Variants in NALF1 observed in about 807,000 individuals in gnomAD.
NALF1 encodes the protein family with sequence similarity 155 member A.
Under a neutral mutation model 48.4 loss-of-function variants are expected in NALF1, and 3 were observed. The ratio of observed to expected loss-of-function variants is 0.06; its 90% CI spans 0.03 to 0.16. The LOEUF is 0.16. Ranked by LOEUF, NALF1 falls within the 10% of genes least tolerant of loss-of-function variation. The pLI is 1.00. For synonymous variants in NALF1, 262 were observed against 245.7 expected (o/e 1.07, Z -0.62); for missense variants, 526 against 571.5 (o/e 0.92, Z 0.81).
At chr13:107,466,269 G>T (rs568791609) in intron 1 of NALF1, 1 of 152,298 alleles carries the variant, frequency 6.6e-6, no homozygotes, top group South Asian at 2.1e-4. Flanking sequence ...ATTTGGATGG[G>T]ACACTGCCAA....
intron 1 of NALF1, among the ~76,000 whole-genome samples, chr13:107,442,260 A>G (rs16970116): frequency 0.028 from 4,209 of 152,338 alleles, 154 homozygotes; most frequent in East Asian, 0.11. Context: ...TTTAGGTCTC[A>G]GTAAGAACAA....
At chr13:107,377,979 GT>G (rs146335095) in intron 1 of NALF1, among the ~76,000 whole-genome samples, 8,053 of 152,102 alleles carry the variant, frequency 0.053, 538 homozygotes, top group African/African-American at 0.15. Context: ...TTTCCTCCCA[GT>G]TCTCTCCCTT....
chr13:107,661,579 G>A (rs1367049218), intron 1 of NALF1, among the ~76,000 whole-genome samples: 3 of 152,038 alleles, frequency 2.0e-5, no homozygotes, highest in Admixed American at 6.6e-5. Flanking sequence ...AAAAGCACTC[G>A]GCATAATACC....
intron 1 of NALF1, among the ~76,000 whole-genome samples, chr13:107,724,952 C>T (rs6492070): frequency 0.039 from 6,004 of 152,228 alleles, 395 homozygotes; most frequent in African/African-American, 0.14. Context: ...GTTCGTTTCA[C>T]TGATACTTCT....
chr13:107,621,759 T>C (rs1451940242), intron 1 of NALF1, among the ~76,000 whole-genome samples: 1 of 152,204 alleles, frequency 6.6e-6, no homozygotes, highest in East Asian at 1.9e-4. Flanking sequence ...TCTGCTCCAC[T>C]GACACCATGA....
chr13:107,249,433 A>G (rs1437319818), intron 1 of NALF1, among the ~76,000 whole-genome samples: 1 of 152,168 alleles, frequency 6.6e-6, no homozygotes, highest in African/African-American at 2.4e-5. Context: ...ATTGCAAAAG[A>G]AAATGCCAGG....
chr13:107,188,507 A>G (rs556563787), intron 2 of NALF1, among the ~76,000 whole-genome samples: 3 of 152,254 alleles, frequency 2.0e-5, no homozygotes, highest in African/African-American at 7.2e-5. Context: ...TATAATTTTT[A>G]TCATATCTTT....
intron 1 of NALF1, among the ~76,000 whole-genome samples, chr13:107,409,066 G>A (rs1451309905): frequency 6.6e-6 from 1 of 152,098 alleles, no homozygotes; most frequent in East Asian, 1.9e-4. Context: ...GTTTTATGTT[G>A]AAAGGAGTTC....
intron 1 of NALF1, among the ~76,000 whole-genome samples, chr13:107,570,178 C>CT (rs34262011): frequency 1.7e-4 from 26 of 149,290 alleles, no homozygotes; most frequent in East Asian, 3.9e-4. Context: ...AATGTATATG[C>CT]TTTTTTTTTT....
intron 1 of NALF1, among the ~76,000 whole-genome samples, chr13:107,564,887 G>C (rs1429978066): frequency 6.6e-6 from 1 of 151,862 alleles, no homozygotes; most frequent in Non-Finnish European, 1.5e-5. Flanking sequence ...CCCCATACAG[G>C]TGAGGCTGAC....
chr13:107,220,427 T>C (rs1421956214), intron 1 of NALF1, among the ~76,000 whole-genome samples: 1 of 152,216 alleles, frequency 6.6e-6, no homozygotes, highest in Non-Finnish European at 1.5e-5. Context: ...GTGATTCTAT[T>C]AGAATTTACA....
At chr13:107,540,029 A>G (rs78269390) in intron 1 of NALF1, among the ~76,000 whole-genome samples, 1,345 of 130,906 alleles carry the variant, frequency 0.01, 10 homozygotes, top group Non-Finnish European at 0.015. Flanking sequence ...ACGACAATAG[A>G]TACCCATCAG....
At chr13:107,199,393 G>A (rs756120668) in intron 2 of NALF1, among the ~76,000 whole-genome samples, 2 of 152,090 alleles carry the variant, frequency 1.3e-5, no homozygotes, top group African/African-American at 2.4e-5. Flanking sequence ...ATTTTGTCAC[G>A]GCAGCCCTAG....
chr13:107,268,122 G>A (rs1881080953), intron 1 of NALF1, among the ~76,000 whole-genome samples: 1 of 151,494 alleles, frequency 6.6e-6, no homozygotes, highest in Non-Finnish European at 1.5e-5. Context: ...AAGTAACTGG[G>A]AACACAGGCA....
intron 1 of NALF1, among the ~76,000 whole-genome samples, chr13:107,500,538 CA>C (rs922819896): frequency 4.6e-5 from 7 of 150,768 alleles, no homozygotes; most frequent in African/African-American, 1.7e-4. Context: ...TTGTGGAAGT[CA>C]GTGTGGCGAT....
At chr13:107,456,486 G>A (rs1002316863) in intron 1 of NALF1, among the ~76,000 whole-genome samples, 1 of 152,150 alleles carries the variant, frequency 6.6e-6, no homozygotes, top group Non-Finnish European at 1.5e-5. Flanking sequence ...TTTGGCCCAT[G>A]TTAGATTAAT....
At chr13:107,637,391 CA>C (rs1476780057) in intron 1 of NALF1, among the ~76,000 whole-genome samples, 3 of 152,080 alleles carry the variant, frequency 2.0e-5, no homozygotes, top group Non-Finnish European at 4.4e-5. Context: ...AACCAAACCA[CA>C]ACATAAATCT....
intron 2 of NALF1, among the ~76,000 whole-genome samples, chr13:107,204,618 T>G (rs1879595975): frequency 2.6e-5 from 4 of 152,222 alleles, no homozygotes; most frequent in South Asian, 2.1e-4. Flanking sequence ...AGATATTAAC[T>G]GAAATAAACC....
intron 1 of NALF1, among the ~76,000 whole-genome samples, chr13:107,722,724 CT>C (rs764450819): frequency 6.6e-6 from 1 of 152,174 alleles, no homozygotes; most frequent in East Asian, 1.9e-4. Context: ...CTCTCCACCC[CT>C]CATTTCCATC....
Sources: gnomAD v4.1 joint callset for allele counts (sites outside exome capture counted in the v4.1 genomes callset) on GRCh38, gnomAD v4.1.1 for gene constraint, MANE v1.5 for transcripts, NCBI Gene and HGNC (gene_info 2026-07-23, HGNC 2026-07-21) for gene names.